MEIG1: variants seen among roughly 807,000 people sequenced by gnomAD.
MEIG1 encodes the protein meiosis/spermiogenesis associated 1, also known as meiosis expressed gene 1 protein homolog.
Under a neutral mutation model 11.3 loss-of-function variants are expected in MEIG1, and 12 were observed. The ratio of observed to expected loss-of-function variants is 1.07; its 90% CI spans 0.68 to 1.73. MEIG1 has a LOEUF of 1.73. Ranked by LOEUF, MEIG1 falls within the 40% of genes most tolerant of loss-of-function variation. The pLI is 0.00. For missense variants in MEIG1, 119 were observed against 104.9 expected (o/e 1.13, Z -0.59); for synonymous variants, 41 against 33.2 (o/e 1.24, Z -0.81).
At chr10:14,961,392 A>G (rs933525935) in intron 1 of MEIG1, among the ~76,000 whole-genome samples, 2 of 152,212 alleles carry the variant, frequency 1.3e-5, no homozygotes, top group Non-Finnish European at 2.9e-5. Context: ...AGTATTTCAT[A>G]TAATTCAGTT....
chr10:14,973,596 T>C (rs940776788), downstream of MEIG1, among the ~76,000 whole-genome samples: 1 of 152,032 alleles, frequency 6.6e-6, no homozygotes. Flanking sequence ...GGTGAAACCC[T>C]GTCTCTACTA....
In MEIG1 at chr10:14,978,007, T is replaced by C. The variant is rs61156501; in HGVS notation, n.66+5387T>C. On this transcript the variant is annotated intron_variant and non_coding_transcript_variant, in intron 1 of 2. Coordinates refer to the MEIG1 transcript ENST00000467536. Reference sequence around the variant, plus strand: ...TTAATGTCACAGGGATTGTACACCCTGTTCTATTATTGTAATATTCTAGGG... The same window carrying C: ...TTAATGTCACAGGGATTGTACACCCCGTTCTATTATTGTAATATTCTAGGG... Among the ~76,000 whole-genome samples, 543 of 151,982 alleles carry C rather than the reference T, an allele frequency of 3.6e-3. 5 individuals carry two copies. Among genetic ancestry groups the C allele is most frequent in the African/African-American group, 0.013 (521 of 41,388 alleles).
At chr10:14,984,677 C>G (rs1843300602) in intron 1 of MEIG1, among the ~76,000 whole-genome samples, 1 of 152,138 alleles carries the variant, frequency 6.6e-6, no homozygotes, top group African/African-American at 2.4e-5. Flanking sequence ...TGTCACTCCT[C>G]TTATCACAGA....
intron 2 of MEIG1, 113 bp downstream of exon 2, chr10:14,966,719 T>G (rs995038919): frequency 8.3e-6 from 8 of 966,124 alleles, no homozygotes; most frequent in African/African-American, 3.5e-5. Flanking sequence ...AACTCTCTCA[T>G]TTTATTTGTT....
At chr10:14,983,458 G>A (rs1293572167) in intron 1 of MEIG1, among the ~76,000 whole-genome samples, 3 of 151,958 alleles carry the variant, frequency 2.0e-5, no homozygotes, top group African/African-American at 7.3e-5. Flanking sequence ...CATACAGCAG[G>A]AGGTGTACAC....
At chr10:14,987,827 T>C (rs1289276036) in exon 3 of MEIG1, 1 of 177,580 alleles carries the variant, frequency 5.6e-6, no homozygotes, top group African/African-American at 2.4e-5. Context: ...TAAGAAGCCG[T>C]GAAATACACT....
intron 1 of MEIG1, among the ~76,000 whole-genome samples, chr10:14,978,454 A>G (rs533012539): frequency 4.8e-4 from 73 of 151,774 alleles, no homozygotes; most frequent in African/African-American, 1.7e-3. Flanking sequence ...ATTATTCGTA[A>G]TACTCTAGGG....
upstream of MEIG1, among the ~76,000 whole-genome samples, chr10:14,957,768 C>A (rs1407477243): frequency 2.0e-5 from 3 of 152,172 alleles, no homozygotes; most frequent in African/African-American, 7.2e-5. Flanking sequence ...GCCTCAGCCT[C>A]CCGAGTAGCT....
chr10:14,961,659 T>C (rs1239014747), intron 1 of MEIG1, among the ~76,000 whole-genome samples: 1 of 143,872 alleles, frequency 7.0e-6, no homozygotes, highest in African/African-American at 2.6e-5. Context: ...TTTTTTTTTT[T>C]AGTAGAGACA....
At chr10:14,967,654 A>G (rs1368963824) in intron 2 of MEIG1, among the ~76,000 whole-genome samples, 1 of 152,116 alleles carries the variant, frequency 6.6e-6, no homozygotes, top group East Asian at 1.9e-4. Context: ...CCCCTGAACA[A>G]CACAGGGACT....
At chr10:14,982,012 T>C (rs1479586061) in intron 1 of MEIG1, among the ~76,000 whole-genome samples, 2 of 152,220 alleles carry the variant, frequency 1.3e-5, no homozygotes, top group African/African-American at 4.8e-5. Flanking sequence ...TATTCACCCC[T>C]GCAAGCCCAG....
chr10:14,959,186 G>A (rs1842981371), upstream of MEIG1, among the ~76,000 whole-genome samples: 1 of 152,218 alleles, frequency 6.6e-6, no homozygotes, highest in Non-Finnish European at 1.5e-5. Flanking sequence ...GTAGCGGCAA[G>A]TAACCCTTTT....
chr10:14,966,596 A>G lies in MEIG1; in HGVS notation c.128A>G (p.Gln43Arg), dbSNP rs1478481986. The G allele has an allele frequency of 1.2e-6, 2 of 1,609,118 alleles. No homozygotes were observed. Among genetic ancestry groups the G allele is most frequent in the Non-Finnish European group, 8.5e-7 (1 of 1,178,552 alleles). The change falls in exon 2 of 3, where the codon CAA becomes CGA. Residue 43 changes from glutamine to arginine, a missense_variant. By Grantham distance (43) the Gln-to-Arg change is conservative (BLOSUM62 1). Transcript: ENST00000407572. Reference protein sequence around the residue: ...RDETEYRQVKQVSMVDRWPET... With the variant: ...RDETEYRQVKRVSMVDRWPET... ...GAAACCGAATATAGACAAGTGAAACAAGTTTCTATGGTAAGATTTCTGTCT... is the reference window on the plus strand; with the variant it reads ...GAAACCGAATATAGACAAGTGAAACGAGTTTCTATGGTAAGATTTCTGTCT...
intron 1 of MEIG1, among the ~76,000 whole-genome samples, chr10:14,962,774 TTTC>T (rs1843029693): frequency 6.6e-6 from 1 of 152,108 alleles, no homozygotes. Flanking sequence ...TTTTTTTTTT[TTTC>T]TTTTTTTCAG....
At chr10:14,975,992 A>G (rs1044428822), downstream of MEIG1, among the ~76,000 whole-genome samples, 6 of 152,170 alleles carry the variant, frequency 3.9e-5, no homozygotes, top group African/African-American at 1.4e-4. Context: ...CAGAGAAGAT[A>G]TTACTGACAA....
downstream of MEIG1, among the ~76,000 whole-genome samples, chr10:14,973,519 TA>T (rs1468022540): frequency 6.6e-6 from 1 of 151,992 alleles, no homozygotes; most frequent in African/African-American, 2.4e-5. Context: ...CCTAAAATCC[TA>T]GCACTTTGGG....
intron 1 of MEIG1, among the ~76,000 whole-genome samples, chr10:14,984,549 T>C (rs1184263773): frequency 6.6e-6 from 1 of 152,022 alleles, no homozygotes; most frequent in Non-Finnish European, 1.5e-5. Context: ...GAGGTTACTT[T>C]TATTGTCACA....
downstream of MEIG1, among the ~76,000 whole-genome samples, chr10:14,976,461 C>T (rs1299939872): frequency 6.6e-6 from 1 of 152,056 alleles, no homozygotes; most frequent in Non-Finnish European, 1.5e-5. Flanking sequence ...GGGCTATGTT[C>T]GCTTTGATAT....
upstream of MEIG1, among the ~76,000 whole-genome samples, chr10:14,959,196 T>C (rs575599821): frequency 1.3e-5 from 2 of 152,332 alleles, no homozygotes; most frequent in African/African-American, 2.4e-5. Context: ...GTAACCCTTT[T>C]TCGCCCTCCA....
Sources: gnomAD v4.1 joint callset for allele counts (sites outside exome capture counted in the v4.1 genomes callset) on GRCh38, gnomAD v4.1.1 for gene constraint, MANE v1.5 for transcripts, NCBI Gene and HGNC (gene_info 2026-07-23, HGNC 2026-07-21) for gene names.